MYH9: variants seen among roughly 807,000 people sequenced by gnomAD.
MYH9 encodes myosin heavy chain 9, also known as myosin-9.
In MYH9, 29 loss-of-function variants were observed where a neutral mutation model predicts 241.9. The observed-to-expected ratio is 0.12, with a 90% CI of 0.09 to 0.16. The LOEUF is 0.16. Among genes scored for constraint, MYH9 ranks in the 10% least tolerant of loss-of-function variants. The pLI is 1.00. For missense variants in MYH9, 1,803 were observed against 2,595.5 expected (o/e 0.69, Z 6.63); for synonymous variants, 1,047 against 1,062.6 (o/e 0.99, Z 0.29).
chr22:36,356,449 C>T (rs534138425), intron 1 of MYH9, among the ~76,000 whole-genome samples: 19 of 151,910 alleles, frequency 1.3e-4, no homozygotes, highest in Non-Finnish European at 2.2e-4. Flanking sequence ...GGCGTGGTGG[C>T]GCGTGCCTGT....
intron 3 of MYH9, among the ~76,000 whole-genome samples, chr22:36,327,901 T>C (rs2017361787): frequency 6.6e-6 from 1 of 151,952 alleles, no homozygotes; most frequent in Non-Finnish European, 1.5e-5. Context: ...CTAAATACCA[T>C]CCCCACTGAA....
Position 36,293,661 on chromosome 22 carries a change from G to C in MYH9, c.3942+98C>G. Reference sequence around the variant, plus strand: ...CCCACAGGATGAAGCAGATGAAGGAGAGGATGGGCAATCCGATGGGCTCTG... The same window carrying C: ...CCCACAGGATGAAGCAGATGAAGGACAGGATGGGCAATCCGATGGGCTCTG... On this transcript the variant is annotated intron_variant, in intron 29 of 40. Transcript: ENST00000216181. The surrounding 1 kb of genome is among the most constrained non-coding windows in gnomAD (Gnocchi z 5.1). 7.5e-7 allele frequency: 1 copy of C among 1,338,968 alleles called. No homozygotes were observed. Among genetic ancestry groups the C allele is most frequent in the Non-Finnish European group, 1.1e-6 (1 of 947,750 alleles). 82.9% of individuals were successfully genotyped at this position (1,338,968 alleles called of 1,614,324 possible). A position where few individuals can be genotyped will look rare whatever the true frequency, so the allele number is the denominator to read the frequency against.
Position 36,293,443 on chromosome 22 carries a change from C to A in MYH9, c.3981G>T (p.Leu1327=). ...CCTCCACCTGCTTGAGCTTGGTGCT[C>A]AGGCTCAGCTTCTGCCGGTTCTCCT... ...LQEENRQKLS[L]STKLKQVEDE... is the part of the protein sequence containing the mutation. The change falls in exon 30 of 41, where the codon CTG becomes CTT. Residue 1327 remains leucine, a synonymous_variant. Coordinates refer to ENST00000216181, the MANE Select transcript of MYH9 (RefSeq NM_002473.6). This position sits in a 1 kb window ranked among gnomAD's most constrained non-coding sequence, Gnocchi z 5.1. 6.2e-7 allele frequency: 1 copy of A among 1,613,828 alleles called. No individual in the cohort carries two copies. Among genetic ancestry groups the A allele is most frequent in the Non-Finnish European group, 8.5e-7 (1 of 1,180,026 alleles).
chr22:36,292,301 G>A, intron 30 of MYH9, 67 bp from the exon 31 acceptor site: 1 of 1,605,150 alleles, frequency 6.2e-7, no homozygotes, highest in South Asian at 1.1e-5. Flanking sequence ...ACCCGTCCCT[G>A]GGGCAGCTGG....
At position 36,295,798 on chromosome 22, in the gene MYH9, C is replaced by G. The variant is rs2146338829; in HGVS notation, c.3273-81G>C. ...AGTTTGCAGGACAGGCCTGAGAGAG[C>G]TGCAGCAGCCAAAGCTGCCTCCTGT... On this transcript the variant is annotated intron_variant, in intron 25 of 40. Coordinates refer to ENST00000216181, the MANE Select transcript of MYH9 (RefSeq NM_002473.6). The surrounding 1 kb of genome is among the most constrained non-coding windows in gnomAD (Gnocchi z 4.1). 1.5e-6 allele frequency: 2 copies of G among 1,334,328 alleles called. No individual in the cohort carries two copies. The highest frequency in any genetic ancestry group is 2.1e-6 in the Non-Finnish European group (2 of 955,648). 82.7% of individuals were successfully genotyped at this position (1,334,328 alleles called of 1,614,324 possible). A position where few individuals can be genotyped will look rare whatever the true frequency, so the allele number is the denominator to read the frequency against.
intron 34 of MYH9, among the ~76,000 whole-genome samples, chr22:36,287,357 A>T (rs2016602959): frequency 1.3e-5 from 2 of 152,210 alleles, no homozygotes; most frequent in South Asian, 4.1e-4. Context: ...CCACACCAGT[A>T]AAAAAATGCC....
At chr22:36,373,748 T>A (rs2018122896) in intron 1 of MYH9, among the ~76,000 whole-genome samples, 1 of 152,228 alleles carries the variant, frequency 6.6e-6, no homozygotes, top group Non-Finnish European at 1.5e-5. Context: ...ATACATTTGC[T>A]GAATGAATTT....
intron 10 of MYH9, among the ~76,000 whole-genome samples, chr22:36,319,254 C>G (rs2017209708): frequency 6.6e-6 from 1 of 152,246 alleles, no homozygotes; most frequent in Non-Finnish European, 1.5e-5. Context: ...TAAGGAGGAG[C>G]TACGGCAGAA....
intron 14 of MYH9, among the ~76,000 whole-genome samples, chr22:36,311,374 C>T (rs575854578): frequency 6.6e-6 from 1 of 152,142 alleles, no homozygotes; most frequent in African/African-American, 2.4e-5. Context: ...CACCTCCCCC[C>T]CCGAAACTAG....
At chr22:36,312,895 G>A (rs761292202) in intron 13 of MYH9, among the ~76,000 whole-genome samples, 2 of 146,810 alleles carry the variant, frequency 1.4e-5, no homozygotes, top group African/African-American at 2.5e-5. Flanking sequence ...GATCACCTAA[G>A]GTCAGGAGCT....
chr22:36,357,555 G>A lies in MYH9; in HGVS notation c.-19-8300C>T, dbSNP rs118146742. ...AATACCTCTCCAGACATCACCAAAGGTGGAAATTGGGGGTTGCGGGGGAAG... is the reference window on the plus strand; with the variant it reads ...AATACCTCTCCAGACATCACCAAAGATGGAAATTGGGGGTTGCGGGGGAAG... On this transcript the variant is annotated intron_variant, in intron 1 of 40. Coordinates refer to ENST00000216181, the MANE Select transcript of MYH9 (RefSeq NM_002473.6). 6.2e-3 allele frequency among the ~76,000 whole-genome samples: 949 copies of A among 152,244 alleles called. 3 individuals are homozygous for A. The highest frequency in any genetic ancestry group is 0.011 in the Non-Finnish European group (743 of 68,020).
At position 36,306,220 on chromosome 22, in the gene MYH9, T is replaced by TG. The variant is rs2016967375; in HGVS notation, c.2038-170dup. On this transcript the variant is annotated intron_variant, in intron 16 of 40. Transcript: ENST00000216181. The surrounding 1 kb of genome is among the most constrained non-coding windows in gnomAD (Gnocchi z 4.1). ...AGGATCCAGGTCTGGGAGGGGCCAA[T>TG]GCCACCAAGAGGAAGTGCAGGCTGT... 6.6e-6 allele frequency among the ~76,000 whole-genome samples: 1 copy of TG among 152,116 alleles called. No homozygotes were observed. The highest frequency in any genetic ancestry group is 2.1e-4 in the South Asian group (1 of 4,816).
intron 1 of MYH9, among the ~76,000 whole-genome samples, 183 bp downstream of exon 1, chr22:36,387,624 G>A (rs1352752137): frequency 2.6e-5 from 4 of 151,534 alleles, no homozygotes; most frequent in African/African-American, 9.7e-5. Context: ...CCCGCGTGGG[G>A]GTCCCGGTCC....
At chr22:36,301,124 G>A (rs527504493) in intron 21 of MYH9, 67 bp from the exon 22 acceptor site, 52 of 1,477,250 alleles carry the variant, frequency 3.5e-5, no homozygotes, top group South Asian at 2.7e-4. Context: ...CCTCAAGGAC[G>A]GACGCCATGG....
rs772048910 is a variant in MYH9 at position 36,329,700 on chromosome 22, G to A, written c.491-2212C>T. Among the ~76,000 whole-genome samples the A allele has an allele frequency of 6.6e-6, 1 of 152,194 alleles. No homozygotes were observed. Among genetic ancestry groups the A allele is most frequent in the Non-Finnish European group, 1.5e-5 (1 of 68,042 alleles). The stretch of plus-strand genomic sequence containing the variant: ...GGAATTCCTCTAATTGTGTGAGGAG[G>A]AGTCAGAGGCTCTGCTGCTGAACAA... On this transcript the variant is annotated intron_variant, in intron 3 of 40. Coordinates refer to ENST00000216181, the MANE Select transcript of MYH9 (RefSeq NM_002473.6). The surrounding 1 kb of genome is among the most constrained non-coding windows in gnomAD (Gnocchi z 4.1).
At chr22:36,365,338 C>T (rs2017995023) in intron 1 of MYH9, among the ~76,000 whole-genome samples, 1 of 152,252 alleles carries the variant, frequency 6.6e-6, no homozygotes, top group African/African-American at 2.4e-5. Context: ...GCTCCCTTTA[C>T]AGCCCTGGCT....
chr22:36,358,596 T>A (rs532340726), intron 1 of MYH9, among the ~76,000 whole-genome samples: 1 of 152,086 alleles, frequency 6.6e-6, no homozygotes, highest in Admixed American at 6.5e-5. Context: ...TACCCTCTTC[T>A]GGGTGTCCAT....
chr22:36,330,636 C>T lies in MYH9; in HGVS notation c.491-3148G>A, dbSNP rs1362175068. On this transcript the variant is annotated intron_variant, in intron 3 of 40. Coordinates refer to ENST00000216181, the MANE Select transcript of MYH9 (RefSeq NM_002473.6). The surrounding 1 kb of genome is among the most constrained non-coding windows in gnomAD (Gnocchi z 4.5). ...TTACTCTGCAGCCCACCTCCCCACC[C>T]TATGCATTCTAGTGGAGACTGCCAT... Among the ~76,000 whole-genome samples, 11 of 152,140 alleles carry T rather than the reference C, an allele frequency of 7.2e-5. No homozygotes were observed. The highest frequency in any genetic ancestry group is 8.8e-5 in the Non-Finnish European group (6 of 68,026).
At chr22:36,334,696 G>A (rs1465169843) in intron 3 of MYH9, among the ~76,000 whole-genome samples, 6 of 152,194 alleles carry the variant, frequency 3.9e-5, no homozygotes, top group Non-Finnish European at 2.9e-5. Flanking sequence ...TGAAGCCTCC[G>A]TGGAAGGCGG....
Sources: allele counts gnomAD v4.1 joint callset (sites outside exome capture counted in the v4.1 genomes callset), GRCh38; gene constraint gnomAD v4.1.1; non-coding constraint Gnocchi (gnomAD v3.1); transcripts MANE v1.5; gene names NCBI Gene and HGNC (gene_info 2026-07-23, HGNC 2026-07-21).